PWP1: variants seen among roughly 807,000 people sequenced by gnomAD.
The protein encoded by PWP1 is PWP1 homolog, endonuclein, also known as periodic tryptophan protein 1 homolog.
In PWP1, 47 loss-of-function variants were observed where a neutral mutation model predicts 69.9. That is an observed-to-expected ratio of 0.67 (90% CI 0.53 to 0.86). PWP1 has a LOEUF of 0.86. Ranked by LOEUF, PWP1 falls within the 40% of genes least tolerant of loss-of-function variation. PWP1 has a pLI of 0.00. For synonymous variants in PWP1, 222 were observed against 208.2 expected (o/e 1.07, Z -0.57); for missense variants, 551 against 608.8 (o/e 0.91, Z 1.00).
intron 11 of PWP1, among the ~76,000 whole-genome samples, chr12:107,708,510 C>T (rs1335342487): frequency 6.6e-6 from 1 of 152,118 alleles, no homozygotes; most frequent in Non-Finnish European, 1.5e-5. Context: ...ATTTCTCTGC[C>T]ACACTGGTCG....
intron 5 of PWP1, among the ~76,000 whole-genome samples, chr12:107,695,787 C>T (rs1334391587): frequency 1.3e-5 from 2 of 152,030 alleles, no homozygotes; most frequent in Admixed American, 1.3e-4. Flanking sequence ...TTGGTTTGTT[C>T]TTTTTGACTT....
chr12:107,685,840 G>A lies in PWP1; in HGVS notation c.-60G>A, dbSNP rs1416325981. 16 of 1,579,244 alleles carry A rather than the reference G, an allele frequency of 1.0e-5. No individual in the cohort carries two copies. In the South Asian group the frequency reaches 1.1e-4, roughly 11 times the overall value. Reference sequence around the variant, plus strand: ...TCCCTGAGCGTGTGGCAGCAGTGCGGTCGTGGTCCCTCCCTATGCAGCCTG... The same window carrying A: ...TCCCTGAGCGTGTGGCAGCAGTGCGATCGTGGTCCCTCCCTATGCAGCCTG... On this transcript the variant is annotated 5_prime_UTR_variant, in exon 1 of 15. Transcript: ENST00000412830.
chr12:107,696,029 CT>C (rs397700499), intron 5 of PWP1, among the ~76,000 whole-genome samples: 68 of 103,734 alleles, frequency 6.6e-4, no homozygotes, highest in South Asian at 4.4e-3. Context: ...ATATTGGAAT[CT>C]TTTTTTTTTT....
At chr12:107,686,061 G>A in intron 1 of PWP1, 90 bp downstream of exon 1, 1 of 1,441,014 alleles carries the variant, frequency 6.9e-7, no homozygotes, top group East Asian at 2.3e-5. Context: ...CCGGAACTCG[G>A]GGCGTTGGCT....
intron 3 of PWP1, among the ~76,000 whole-genome samples, chr12:107,692,011 A>T (rs1012419015): frequency 6.6e-6 from 1 of 152,146 alleles, no homozygotes; most frequent in Admixed American, 6.5e-5. Flanking sequence ...AGTTTTTTCT[A>T]TTGGACTCTG....
At position 107,688,462 on chromosome 12, in the gene PWP1, A is replaced by G. The variant is rs761405123; in HGVS notation, c.87A>G (p.Lys29=). 1.2e-6 allele frequency: 2 copies of G among 1,613,892 alleles called. No homozygotes were observed. The highest frequency in any genetic ancestry group is 1.7e-6 in the Non-Finnish European group (2 of 1,179,924). Residue 29 remains lysine (K), a synonymous_variant, in exon 2 of 15, where the codon AAA becomes AAG. Coordinates refer to ENST00000412830, the MANE Select transcript of PWP1 (RefSeq NM_007062.3). ...CTCTCTTACAGGTAGAGCTGAGTAA[A>G]GAAGAAGTAAAACGCCTCATTGCTG... is the stretch of plus-strand genomic sequence containing the variant. ...KETPDKVELS[K]EEVKRLIAEA... is the part of the protein sequence containing the mutation.
rs1434692924 is a variant in PWP1, at chr12:107,713,098, G to A, written c.*878G>A. ...TGTGGAATGTCATTGGTGTAGCAAC[G>A]TGGGTTCACCAAAACACCTTTTTAT... On this transcript the variant is annotated 3_prime_UTR_variant, in exon 15 of 15. Transcript: ENST00000412830. The A allele has an allele frequency of 1.3e-5, 2 of 152,206 alleles. No homozygotes were observed. The highest frequency in any genetic ancestry group is 2.4e-5 in the African/African-American group (1 of 41,454). 9.4% of individuals were successfully genotyped at this position (152,206 alleles called of 1,614,324 possible). A position where few individuals can be genotyped will look rare whatever the true frequency, so the allele number is the denominator to read the frequency against.
chr12:107,698,599 A>G (rs1263517674), intron 7 of PWP1, among the ~76,000 whole-genome samples: 2 of 152,010 alleles, frequency 1.3e-5, no homozygotes, highest in African/African-American at 4.8e-5. Flanking sequence ...TTTCTTTTTT[A>G]AAGAGGTAAG....
At chr12:107,702,873 T>G in intron 8 of PWP1, 62 bp from the exon 9 acceptor site, 2 of 1,017,650 alleles carry the variant, frequency 2.0e-6, no homozygotes, top group South Asian at 2.6e-5. Context: ...TGCAATCCTT[T>G]TCTCATATTT....
chr12:107,709,084 A>G (rs139441642), intron 12 of PWP1, 27 bp from the exon 13 acceptor site: 26,254 of 1,613,788 alleles, frequency 0.016, 307 homozygotes, highest in Middle Eastern at 0.018. Flanking sequence ...TTTCAAAGCG[A>G]AAGTGTCTAA....
chr12:107,712,404 A>ATGGT lies in PWP1; in HGVS notation c.*186_*189dup. On this transcript the variant is annotated 3_prime_UTR_variant, in exon 15 of 15. Coordinates refer to ENST00000412830, the MANE Select transcript of PWP1 (RefSeq NM_007062.3). ...GTCTTTGTGCTTGCTCTTCAGATGG[A>ATGGT]TGGTTTGTAAGGCTCTTGTTGCATT... The ATGGT allele has an allele frequency of 2.0e-6, 1 of 511,180 alleles. No individual in the cohort carries two copies. Among genetic ancestry groups the ATGGT allele is most frequent in the Non-Finnish European group, 3.5e-6 (1 of 286,966 alleles). 31.7% of individuals were successfully genotyped at this position (511,180 alleles called of 1,614,324 possible).
rs915671792 is a variant in PWP1, at chr12:107,710,441, C to T, written c.1327C>T (p.Pro443Ser). 1 of 1,611,506 alleles carries T rather than the reference C, an allele frequency of 6.2e-7. No individual in the cohort carries two copies. The highest frequency in any genetic ancestry group is 1.7e-5 in the Admixed American group (1 of 59,852). The change falls in exon 14 of 15, where the codon CCA (proline) becomes TCA (serine). Residue 443 changes from proline (P) to serine (S), a missense_variant. Pro to Ser is a moderately conservative substitution (Grantham distance 74, BLOSUM62 -1). Transcript: ENST00000412830. ...CTGTTCTTCATGTTGCCCTGATTTG[C>T]CATTTATTTATGCCTTTGGAGGTCA... ...LFCSSCCPDL[P>S]FIYAFGGQKE...
In PWP1 at chr12:107,709,246, T is replaced by C. The variant is rs372707274; in HGVS notation, c.1290+14T>C. The stretch of plus-strand genomic sequence containing the variant: ...GACATGAAAATGGTAAGAATCTCCC[T>C]GGGTATCTGTTTTTTATTTATTCTG... On this transcript the variant is annotated intron_variant, in intron 13 of 14. Coordinates refer to ENST00000412830, the MANE Select transcript of PWP1 (RefSeq NM_007062.3). The C allele has an allele frequency of 1.9e-5, 30 of 1,609,408 alleles. No homozygotes were observed. Among genetic ancestry groups the C allele is most frequent in the Non-Finnish European group, 3.4e-6 (4 of 1,177,680 alleles).
chr12:107,688,848 G>A, intron 3 of PWP1, 46 bp downstream of exon 3: 1 of 1,543,932 alleles, frequency 6.5e-7, no homozygotes, highest in South Asian at 1.2e-5. Context: ...AGCTCAATAT[G>A]TTGGATCATG....
In PWP1 at chr12:107,696,564, C is replaced by T; in HGVS notation, c.593C>T (p.Pro198Leu). 6.2e-7 allele frequency: 1 copy of T among 1,614,066 alleles called. No individual in the cohort carries two copies. ...PLSVEWLNFDPSPDDSTGNYI... is the reference protein window; with the variant it reads ...PLSVEWLNFDLSPDDSTGNYI... ...AGTGTGGAATGGCTGAATTTTGATC[C>T]TAGCCCAGATGATTCTACTGGTAAT... The change falls in exon 6 of 15, where the codon CCT becomes CTT. Residue 198 changes from proline to leucine, a missense_variant. Physicochemically the swap from Pro to Leu is moderately conservative, Grantham distance 98. Coordinates refer to ENST00000412830, the MANE Select transcript of PWP1 (RefSeq NM_007062.3).
intron 1 of PWP1, among the ~76,000 whole-genome samples, chr12:107,688,234 C>T (rs200045400): frequency 6.6e-6 from 1 of 151,888 alleles, no homozygotes; most frequent in African/African-American, 2.4e-5. Flanking sequence ...GTAGAATGAG[C>T]ATGATTTTTG....
At chr12:107,710,542 C>A (rs748794899) in intron 14 of PWP1, 32 bp downstream of exon 14, 6 of 1,548,658 alleles carry the variant, frequency 3.9e-6, no homozygotes, top group Non-Finnish European at 4.3e-6. Context: ...CACACCTCCC[C>A]CTGCCCCTGT....
chr12:107,688,030 CAAAAAAAAAAAA>C (rs56255249), intron 1 of PWP1, among the ~76,000 whole-genome samples: 24 of 37,626 alleles, frequency 6.4e-4, no homozygotes, highest in East Asian at 4.5e-3. Context: ...GACTCCGTCT[CAAAAAAAAAAAA>C]AAAAAAAAAA....
Position 107,704,680 on chromosome 12 carries a change from G to T in PWP1, c.1010G>T (p.Arg337Leu), listed in dbSNP as rs765660170. ...TGCCGAAGTCCAGATGAAAGCCATC[G>T]AATGTGGCGATTCAGTGGGCAGATA... The part of the protein sequence containing the change: ...YDCRSPDESH[R>L]MWRFSGQIER... Residue 337 changes from arginine (R) to leucine (L), a missense_variant, in exon 11 of 15, where the codon CGA becomes CTA. By Grantham distance (102) the Arg-to-Leu change is moderately radical. Coordinates refer to ENST00000412830, the MANE Select transcript of PWP1 (RefSeq NM_007062.3). 1.2e-6 allele frequency: 2 copies of T among 1,613,992 alleles called. No homozygotes were observed. The highest frequency in any genetic ancestry group is 1.7e-6 in the Non-Finnish European group (2 of 1,179,934).
Sources: gnomAD v4.1 joint callset for allele counts (sites outside exome capture counted in the v4.1 genomes callset) on GRCh38, gnomAD v4.1.1 for gene constraint, MANE v1.5 for transcripts, NCBI Gene and HGNC (gene_info 2026-07-23, HGNC 2026-07-21) for gene names.